ITGA9: variants seen among roughly 807,000 people sequenced by gnomAD.
ITGA9 encodes integrin alpha-9.
In ITGA9, 56 loss-of-function variants were observed where a neutral mutation model predicts 127.8. That is an observed-to-expected ratio of 0.44 (90% CI 0.35 to 0.55). The LOEUF is 0.55. Among genes scored for constraint, ITGA9 ranks in the 20% least tolerant of loss-of-function variants. ITGA9 has a pLI of 0.00. For missense variants in ITGA9, 1,196 were observed against 1,347.1 expected (o/e 0.89, Z 1.76); for synonymous variants, 508 against 514.5 (o/e 0.99, Z 0.17).
At chr3:37,533,233 T>C in intron 13 of ITGA9, 81 bp from the exon 14 acceptor site, 1 of 1,274,964 alleles carries the variant, frequency 7.8e-7, no homozygotes, top group Non-Finnish European at 1.1e-6. Context: ...GCCTAGGATT[T>C]ATCCTGTTGG....
At chr3:37,540,033 C>T (rs974202108) in intron 14 of ITGA9, among the ~76,000 whole-genome samples, 4 of 152,132 alleles carry the variant, frequency 2.6e-5, no homozygotes, top group South Asian at 4.2e-4. Context: ...CAATTTGGGC[C>T]GGACAGCAGA....
chr3:37,660,564 G>A (rs560847488), intron 17 of ITGA9, among the ~76,000 whole-genome samples: 2 of 152,220 alleles, frequency 1.3e-5, no homozygotes, highest in Non-Finnish European at 2.9e-5. Context: ...GGCCTTTCAA[G>A]TGTGGTCAGA....
At chr3:37,627,696 T>C (rs1700189582) in intron 15 of ITGA9, among the ~76,000 whole-genome samples, 1 of 152,176 alleles carries the variant, frequency 6.6e-6, no homozygotes, top group African/African-American at 2.4e-5. Flanking sequence ...CTGCTACAGT[T>C]TGTGGATGGG....
At chr3:37,792,767 A>G (rs1697127014) in intron 26 of ITGA9, among the ~76,000 whole-genome samples, 1 of 152,210 alleles carries the variant, frequency 6.6e-6, no homozygotes, top group Non-Finnish European at 1.5e-5. Context: ...GGTGGAAATA[A>G]GGAGCTGGTT....
chr3:37,498,688 G>C (rs577430216), intron 5 of ITGA9, among the ~76,000 whole-genome samples: 1 of 152,336 alleles, frequency 6.6e-6, no homozygotes, highest in African/African-American at 2.4e-5. Flanking sequence ...AGGGTGGGCA[G>C]TGGTGAGTGG....
rs750704890 is a variant in ITGA9 at position 37,519,227 on chromosome 3, CT to C, written c.1142-28del. 6 of 1,549,068 alleles carry C rather than the reference CT, an allele frequency of 3.9e-6. No homozygotes were observed. The Admixed American group carries it at 6.7e-5, about 17-fold the overall frequency. On this transcript the variant is annotated intron_variant, in intron 10 of 27. Coordinates refer to ENST00000264741, the MANE Select transcript of ITGA9 (RefSeq NM_002207.3). ...AGCTGCACTTGTATTATTAATGTGG[CT>C]TTTTAACCCATAGCTGTTTTTTTAC...
intron 16 of ITGA9, among the ~76,000 whole-genome samples, chr3:37,642,814 G>A (rs961256145): frequency 2.0e-5 from 3 of 152,140 alleles, no homozygotes; most frequent in South Asian, 2.1e-4. Flanking sequence ...GCTGGAAATC[G>A]TCACTACAGC....
intron 4 of ITGA9, among the ~76,000 whole-genome samples, chr3:37,483,087 G>A (rs1476124228): frequency 6.6e-6 from 1 of 152,190 alleles, no homozygotes; most frequent in Non-Finnish European, 1.5e-5. Context: ...AGGCTGAGAA[G>A]GAGCGATGGG....
chr3:37,651,302 C>T (rs1700427335), intron 16 of ITGA9, among the ~76,000 whole-genome samples: 3 of 152,204 alleles, frequency 2.0e-5, no homozygotes, highest in Non-Finnish European at 4.4e-5. Context: ...TACAAAGCAA[C>T]CAATTCCTCG....
intron 15 of ITGA9, among the ~76,000 whole-genome samples, chr3:37,581,858 A>T (rs1262663637): frequency 3.3e-5 from 5 of 152,130 alleles, no homozygotes; most frequent in Admixed American, 3.3e-4. Flanking sequence ...TGGGGCCAGG[A>T]CCCCACTTCC....
chr3:37,470,676 AT>A (rs570859988), intron 1 of ITGA9, among the ~76,000 whole-genome samples: 2 of 150,702 alleles, frequency 1.3e-5, no homozygotes, highest in South Asian at 2.1e-4. Flanking sequence ...TTGCCTGGCC[AT>A]TTTTTTTTGT....
chr3:37,624,550 C>T (rs1040569173), intron 15 of ITGA9, among the ~76,000 whole-genome samples: 5 of 152,142 alleles, frequency 3.3e-5, no homozygotes, highest in African/African-American at 1.2e-4. Flanking sequence ...TTCTAGAACA[C>T]AGCCTCCTGC....
At chr3:37,532,153 G>A (rs765709707) in intron 13 of ITGA9, among the ~76,000 whole-genome samples, 15 of 152,206 alleles carry the variant, frequency 9.9e-5, no homozygotes, top group South Asian at 8.3e-4. Context: ...TCTGACTTCC[G>A]TTTGTCCTGT....
chr3:37,614,545 T>C (rs1333517061), intron 15 of ITGA9, among the ~76,000 whole-genome samples: 3 of 151,048 alleles, frequency 2.0e-5, no homozygotes, highest in African/African-American at 7.3e-5. Flanking sequence ...AATCTATAAA[T>C]TACCTTGGGC....
chr3:37,657,005 A>G (rs1054710090), intron 17 of ITGA9, among the ~76,000 whole-genome samples: 7 of 151,790 alleles, frequency 4.6e-5, no homozygotes, highest in African/African-American at 1.2e-4. Context: ...ATTGATTTGC[A>G]TATGTTGAAC....
intron 18 of ITGA9, among the ~76,000 whole-genome samples, chr3:37,722,658 T>C (rs1342008961): frequency 6.6e-6 from 1 of 152,250 alleles, no homozygotes; most frequent in East Asian, 1.9e-4. Context: ...CTTCATTCTT[T>C]TTCATGGCTG....
intron 1 of ITGA9, among the ~76,000 whole-genome samples, chr3:37,466,239 T>C (rs1329943629): frequency 2.0e-5 from 3 of 151,838 alleles, no homozygotes; most frequent in Non-Finnish European, 4.4e-5. Context: ...TCCCAACACT[T>C]TGGGAGGCTG....
intron 16 of ITGA9, among the ~76,000 whole-genome samples, chr3:37,650,869 C>T (rs1700423261): frequency 6.6e-6 from 1 of 152,214 alleles, no homozygotes; most frequent in Non-Finnish European, 1.5e-5. Flanking sequence ...CTGCAAGCTC[C>T]TACCCCTGGC....
intron 11 of ITGA9, among the ~76,000 whole-genome samples, chr3:37,522,936 A>G (rs1488696783): frequency 2.6e-5 from 4 of 152,104 alleles, no homozygotes; most frequent in African/African-American, 4.8e-5. Flanking sequence ...TTTACTGGGT[A>G]AAACTGTTCA....
Sources: gnomAD v4.1 joint callset for allele counts (sites outside exome capture counted in the v4.1 genomes callset) on GRCh38, gnomAD v4.1.1 for gene constraint, MANE v1.5 for transcripts, NCBI Gene and HGNC (gene_info 2026-07-23, HGNC 2026-07-21) for gene names.